The following SEMA3D variants were observed in gnomAD, a reference collection of about 807,000 sequenced individuals.
SEMA3D encodes the protein semaphorin 3D.
A neutral mutation model predicts 100.1 loss-of-function variants in SEMA3D; 84 were observed. The ratio of observed to expected loss-of-function variants is 0.84; its 90% confidence interval spans 0.70 to 1.01. The LOEUF (loss-of-function observed/expected upper bound fraction) is 1.01. SEMA3D is among the 50% of genes least tolerant of loss of function. The pLI is 0.00. For missense variants in SEMA3D, 875 were observed against 934.1 expected (o/e 0.94, Z 0.82); for synonymous variants, 312 against 320.7 (o/e 0.97, Z 0.29).
chr7:85,114,446 T>C (rs1001066356), intron 3 of SEMA3D, among the ~76,000 whole-genome samples: 13 of 152,326 alleles, frequency 8.5e-5, no homozygotes, highest in Admixed American at 2.6e-4. Context: ...AATGGTGTGC[T>C]GTGAGCAGCA....
chr7:85,046,464 C>A (rs995668887), intron 9 of SEMA3D, among the ~76,000 whole-genome samples: 1 of 151,734 alleles, frequency 6.6e-6, no homozygotes, highest in Non-Finnish European at 1.5e-5. Flanking sequence ...TCTCTAGCCC[C>A]TCAGGAATAA....
intron 2 of SEMA3D, among the ~76,000 whole-genome samples, chr7:85,126,375 CGTGTGTGTGT>C (rs34641872): frequency 2.3e-5 from 3 of 130,942 alleles, no homozygotes; most frequent in Non-Finnish European, 4.8e-5. Flanking sequence ...GATTCTTTCT[CGTGTGTGTGT>C]GTGTGTGTGT....
intron 3 of SEMA3D, among the ~76,000 whole-genome samples, chr7:85,116,358 T>C (rs1789245226): frequency 6.8e-6 from 1 of 146,410 alleles, no homozygotes; most frequent in Non-Finnish European, 1.5e-5. Context: ...TTATATATTA[T>C]AATATATTTA....
At position 85,131,579 on chromosome 7, in the gene SEMA3D, A is replaced by C. The variant is rs375463488; in HGVS notation, c.-40-9648T>G. ...TACTTGGATTAAAAAGATTCAAAGA[A>C]GTGTGCTTCCTTTAATGCCTTCTCC... is the stretch of plus-strand genomic sequence containing the variant. On this transcript the variant is annotated intron_variant, in intron 2 of 18. Transcript: ENST00000284136. Among the ~76,000 whole-genome samples the C allele has an allele frequency of 7.9e-5, 12 of 152,164 alleles. 1 individual carries two copies. In the East Asian group the frequency reaches 1.7e-3, roughly 22 times the overall value.
At chr7:85,016,228 A>G (rs1790096131) in intron 15 of SEMA3D, among the ~76,000 whole-genome samples, 2 of 145,360 alleles carry the variant, frequency 1.4e-5, no homozygotes, top group Admixed American at 6.9e-5. Flanking sequence ...TCGGATTAAG[A>G]CATTTGTCTC....
At chr7:85,193,646 T>C in the SEMA3D span, among the ~76,000 whole-genome samples, 3 of 152,000 alleles carry the variant, frequency 2.0e-5, no homozygotes, top group South Asian at 6.2e-4. Context: ...TCCCACATAA[T>C]GGAGGGGGAA....
At chr7:85,033,731 C>T (rs1790610074) in intron 12 of SEMA3D, among the ~76,000 whole-genome samples, 1 of 151,582 alleles carries the variant, frequency 6.6e-6, no homozygotes, top group African/African-American at 2.4e-5. Flanking sequence ...ACAAAAAACC[C>T]CAAACCAAAA....
intron 7 of SEMA3D, among the ~76,000 whole-genome samples, chr7:85,066,451 G>C (rs1389718278): frequency 6.6e-6 from 1 of 151,756 alleles, no homozygotes; most frequent in Admixed American, 6.6e-5. Context: ...AAAAACATAA[G>C]GGAAGGAGAA....
chr7:85,052,827 A>G, intron 9 of SEMA3D, among the ~76,000 whole-genome samples: 1 of 151,820 alleles, frequency 6.6e-6, no homozygotes, highest in East Asian at 1.9e-4. Flanking sequence ...AAATAATTAG[A>G]TAATAAAATA....
chr7:85,165,481 C>A (rs1790881240), intron 1 of SEMA3D, among the ~76,000 whole-genome samples: 1 of 151,988 alleles, frequency 6.6e-6, no homozygotes, highest in African/African-American at 2.4e-5. Flanking sequence ...AGATTACAAC[C>A]CAATCATGAC....
chr7:85,029,007 G>T, intron 12 of SEMA3D: 1 of 394,340 alleles, frequency 2.5e-6, no homozygotes, highest in South Asian at 2.6e-5. Context: ...TTCTGTTTTT[G>T]GATGTCACTC....
intron 2 of SEMA3D, among the ~76,000 whole-genome samples, chr7:85,125,782 TCGTGTG>T (rs1400393222): frequency 6.1e-5 from 8 of 131,240 alleles, no homozygotes; most frequent in South Asian, 2.6e-4. Flanking sequence ...TTTGCTGTCT[TCGTGTG>T]TGTGTGTGTG....
the SEMA3D span, among the ~76,000 whole-genome samples, chr7:85,232,721 A>C: frequency 1.3e-5 from 2 of 152,228 alleles, no homozygotes; most frequent in Admixed American, 1.3e-4. Flanking sequence ...AAGAGTGTAC[A>C]GGTGGAGGTT....
At chr7:85,171,395 C>T (rs1426896914) in intron 1 of SEMA3D, among the ~76,000 whole-genome samples, 1 of 151,932 alleles carries the variant, frequency 6.6e-6, no homozygotes, top group African/African-American at 2.4e-5. Flanking sequence ...GAGAAAGCAA[C>T]CATGATGGAG....
intron 7 of SEMA3D, among the ~76,000 whole-genome samples, chr7:85,066,610 A>G (rs1156334134): frequency 1.3e-5 from 2 of 152,048 alleles, no homozygotes; most frequent in Non-Finnish European, 2.9e-5. Context: ...TTCTTAGTCA[A>G]CCACTTTGCT....
chr7:85,074,776 C>G (rs1198363049), intron 5 of SEMA3D, among the ~76,000 whole-genome samples: 3 of 151,894 alleles, frequency 2.0e-5, no homozygotes, highest in Non-Finnish European at 4.4e-5. Context: ...GTCATCAACT[C>G]CCGGGTAATT....
intron 5 of SEMA3D, among the ~76,000 whole-genome samples, chr7:85,080,957 A>C (rs1410591169): frequency 1.3e-5 from 2 of 152,166 alleles, no homozygotes; most frequent in Non-Finnish European, 2.9e-5. Context: ...AATCATTATT[A>C]CTAATACATA....
intron 2 of SEMA3D, among the ~76,000 whole-genome samples, chr7:85,146,310 T>G (rs926340216): frequency 6.6e-6 from 1 of 152,048 alleles, no homozygotes; most frequent in Non-Finnish European, 1.5e-5. Context: ...ATCTCAGCAC[T>G]TTGGGAGGCT....
At chr7:85,058,221 T>C (rs1402441578) in intron 8 of SEMA3D, among the ~76,000 whole-genome samples, 1 of 152,156 alleles carries the variant, frequency 6.6e-6, no homozygotes, top group Non-Finnish European at 1.5e-5. Flanking sequence ...TTCAAAAATA[T>C]ATAAAAATAA....
Sources: allele counts gnomAD v4.1 joint callset (sites outside exome capture counted in the v4.1 genomes callset), GRCh38; gene constraint gnomAD v4.1.1; transcripts MANE v1.5; gene names NCBI Gene and HGNC (gene_info 2026-07-23, HGNC 2026-07-21).